Variants in LRRC4C observed in about 807,000 individuals in gnomAD.
LRRC4C encodes leucine-rich repeat-containing protein 4C.
In LRRC4C, 5 loss-of-function variants were observed where a neutral mutation model predicts 33.6. The observed-to-expected ratio is 0.15, with a 90% CI of 0.08 to 0.31. The LOEUF (loss-of-function observed/expected upper bound fraction) is 0.31. Ranked by LOEUF, LRRC4C falls within the 10% of genes least tolerant of loss-of-function variation. LRRC4C has a pLI of 1.00. For missense variants in LRRC4C, 560 were observed against 796.7 expected (o/e 0.70, Z 3.58); for synonymous variants, 329 against 302.0 (o/e 1.09, Z -0.93).
intron 3 of LRRC4C, among the ~76,000 whole-genome samples, chr11:40,426,861 G>A (rs1226094982): frequency 2.6e-5 from 4 of 152,058 alleles, no homozygotes; most frequent in African/African-American, 7.2e-5. Context: ...TTCCGTTTCC[G>A]ACCTGTACTG....
rs79928399 is a variant in LRRC4C, at chr11:40,743,446, A to G, written c.-406-95168T>C. Among the ~76,000 whole-genome samples the G allele has an allele frequency of 3.3e-3, 508 of 152,242 alleles. 5 individuals carry two copies. The highest frequency in any genetic ancestry group is 5.4e-3 in the Non-Finnish European group (366 of 67,960). ...ATTGGGCTAAAATTAAGATGTCAGCAGAGATGCATTCACTTCTGAAAACGT... is the reference window on the plus strand; with the variant it reads ...ATTGGGCTAAAATTAAGATGTCAGCGGAGATGCATTCACTTCTGAAAACGT... On this transcript the variant is annotated intron_variant, in intron 2 of 6. Transcript: ENST00000528697.
chr11:40,211,526 T>C (rs1863606959), intron 5 of LRRC4C, among the ~76,000 whole-genome samples: 1 of 152,184 alleles, frequency 6.6e-6, no homozygotes, highest in African/African-American at 2.4e-5. Flanking sequence ...ATCATCAAAG[T>C]ACAGAAATTC....
intron 3 of LRRC4C, among the ~76,000 whole-genome samples, chr11:40,342,972 C>G (rs1465695175): frequency 2.0e-5 from 3 of 152,032 alleles, no homozygotes; most frequent in Non-Finnish European, 4.4e-5. Context: ...AAGTGGGCTC[C>G]ATAAGTATAG....
At chr11:40,758,107 G>A (rs1949034609) in intron 2 of LRRC4C, among the ~76,000 whole-genome samples, 1 of 152,014 alleles carries the variant, frequency 6.6e-6, no homozygotes, top group African/African-American at 2.4e-5. Flanking sequence ...AGCTGAGAGA[G>A]CAAGCATCAG....
At chr11:41,129,057 A>G (rs1165041266) in intron 1 of LRRC4C, among the ~76,000 whole-genome samples, 1 of 152,006 alleles carries the variant, frequency 6.6e-6, no homozygotes, top group Non-Finnish European at 1.5e-5. Flanking sequence ...TGCCTGACAA[A>G]TGCTCTGAGG....
chr11:40,922,606 C>T (rs186418697), intron 2 of LRRC4C, among the ~76,000 whole-genome samples: 90 of 152,216 alleles, frequency 5.9e-4, no homozygotes, highest in Admixed American at 9.8e-4. Context: ...GCCATAAACT[C>T]CCTTCTGACT....
rs187329753 is a variant in LRRC4C, at chr11:40,812,089, T to C, written c.-407+121546A>G. 7.2e-5 allele frequency among the ~76,000 whole-genome samples: 11 copies of C among 152,342 alleles called. No individual in the cohort carries two copies. The East Asian group carries it at 1.7e-3, about 24-fold the overall frequency. The stretch of plus-strand genomic sequence containing the variant: ...ATTGTAAGTACTGCCCAGTTTAACA[T>C]GTAATTGTCTGTAATTTTTGTTAGC... On this transcript the variant is annotated intron_variant, in intron 2 of 6. Coordinates refer to ENST00000528697, the MANE Select transcript of LRRC4C (RefSeq NM_001258419.2).
intron 1 of LRRC4C, among the ~76,000 whole-genome samples, chr11:41,085,885 G>A (rs1939938187): frequency 7.5e-6 from 1 of 133,468 alleles, no homozygotes; most frequent in Non-Finnish European, 1.5e-5. Context: ...TTATGTTTGA[G>A]TGACCTTGAA....
At chr11:40,841,319 C>T (rs1177585378) in intron 2 of LRRC4C, among the ~76,000 whole-genome samples, 3 of 152,102 alleles carry the variant, frequency 2.0e-5, no homozygotes, top group Admixed American at 6.6e-5. Context: ...TTTCTTATGG[C>T]TTGTCATGGT....
At chr11:40,362,280 A>C (rs1237970122) in intron 3 of LRRC4C, among the ~76,000 whole-genome samples, 1 of 152,216 alleles carries the variant, frequency 6.6e-6, no homozygotes, top group African/African-American at 2.4e-5. Flanking sequence ...AATTAAGCAA[A>C]GAGCTCCTGC....
intron 4 of LRRC4C, among the ~76,000 whole-genome samples, chr11:40,285,282 A>C (rs1487233816): frequency 1.3e-5 from 2 of 152,172 alleles, no homozygotes; most frequent in Middle Eastern, 3.2e-3. Flanking sequence ...GAAGATTAGG[A>C]AAACAGAAGG....
intron 1 of LRRC4C, among the ~76,000 whole-genome samples, chr11:40,973,156 C>A (rs1051611632): frequency 2.0e-5 from 3 of 152,034 alleles, no homozygotes; most frequent in African/African-American, 7.2e-5. Flanking sequence ...GATCCATGAG[C>A]CAATTAAACC....
intron 2 of LRRC4C, among the ~76,000 whole-genome samples, chr11:40,842,591 ATAT>A (rs1260097215): frequency 6.6e-6 from 1 of 152,140 alleles, no homozygotes; most frequent in Non-Finnish European, 1.5e-5. Flanking sequence ...AAACTATAAT[ATAT>A]TATTATTAAC....
chr11:41,210,820 G>A (rs1331688105), intron 1 of LRRC4C, among the ~76,000 whole-genome samples: 2 of 152,128 alleles, frequency 1.3e-5, no homozygotes, highest in Non-Finnish European at 2.9e-5. Context: ...TGGTACCAGG[G>A]ACTGATTTCA....
At chr11:40,759,153 T>G (rs1050723083) in intron 2 of LRRC4C, among the ~76,000 whole-genome samples, 1 of 147,232 alleles carries the variant, frequency 6.8e-6, no homozygotes, top group East Asian at 1.9e-4. Context: ...TCCATATATA[T>G]GTAAAACTAA....
At chr11:40,725,172 T>C (rs4329677) in intron 2 of LRRC4C, among the ~76,000 whole-genome samples, 85,937 of 151,980 alleles carry the variant, frequency 0.57, 24,594 homozygotes, top group African/African-American at 0.64. Context: ...AAGAACCTGA[T>C]CATCTTCCAC....
intron 1 of LRRC4C, among the ~76,000 whole-genome samples, chr11:41,456,013 C>T (rs555059489): frequency 9.2e-5 from 14 of 152,270 alleles, no homozygotes; most frequent in African/African-American, 2.6e-4. Flanking sequence ...AAAGCCCCTG[C>T]TCTATTCACA....
chr11:41,143,068 G>A lies in LRRC4C; in HGVS notation c.-495-209345C>T, dbSNP rs372759665. ...CTAGCCTTTTTATTTTGGTGGTGGA[G>A]TAGAGGAGCTGGAGTAAAAACTCTA... On this transcript the variant is annotated intron_variant, in intron 1 of 6. Coordinates refer to ENST00000528697, the MANE Select transcript of LRRC4C (RefSeq NM_001258419.2). 7.6e-4 allele frequency among the ~76,000 whole-genome samples: 116 copies of A among 152,196 alleles called. 3 individuals are homozygous for A. The South Asian group carries it at 0.023, about 30-fold the overall frequency.
intron 3 of LRRC4C, among the ~76,000 whole-genome samples, chr11:40,408,498 C>A (rs1237306086): frequency 3.3e-5 from 5 of 151,676 alleles, no homozygotes; most frequent in African/African-American, 1.2e-4. Flanking sequence ...GGTGGGGGAC[C>A]TCTCTAGTGA....
Sources: gnomAD v4.1 joint callset for allele counts (sites outside exome capture counted in the v4.1 genomes callset) on GRCh38, gnomAD v4.1.1 for gene constraint, MANE v1.5 for transcripts, NCBI Gene and HGNC (gene_info 2026-07-23, HGNC 2026-07-21) for gene names.